The following BCL7A variants were observed in gnomAD, a reference collection of about 807,000 sequenced individuals.
BCL7A encodes the protein BAF chromatin remodeling complex subunit BCL7A.
Under a neutral mutation model 28.4 loss-of-function variants are expected in BCL7A, and 11 were observed. The ratio of observed to expected loss-of-function variants is 0.39; its 90% CI spans 0.24 to 0.64. The LOEUF is 0.64. Ranked by LOEUF, BCL7A falls within the 30% of genes least tolerant of loss-of-function variation. The pLI is 0.50. For synonymous variants in BCL7A, 123 were observed against 103.3 expected (o/e 1.19, Z -1.15); for missense variants, 222 against 274.8 (o/e 0.81, Z 1.36).
rs1217159050 is a variant in BCL7A, at chr12:122,061,025, T to C, written c.*1862T>C. 4.4e-6 allele frequency: 1 copy of C among 227,196 alleles called. No individual in the cohort carries two copies. Among genetic ancestry groups the C allele is most frequent in the Non-Finnish European group, 8.8e-6 (1 of 114,082 alleles). 14.1% of individuals were successfully genotyped at this position (227,196 alleles called of 1,614,324 possible). On this transcript the variant is annotated 3_prime_UTR_variant, in exon 6 of 6. Transcript: ENST00000261822. ...AGGCAGTCAGTTTTGTTGAGAACTG[T>C]GTCCTGCATCCTGGCGCAGAACCTA...
Position 122,058,995 on chromosome 12 carries a change from G to A in BCL7A, c.562-97G>A, listed in dbSNP as rs1047812405. 38 of 1,067,332 alleles carry A rather than the reference G, an allele frequency of 3.6e-5. No homozygotes were observed. The East Asian group carries it at 4.8e-4, about 13-fold the overall frequency. The allele number at this position is 1,067,332 out of a possible 1,614,324, so 66.1% of individuals were successfully genotyped here. ...TGGTCTGAACCACAAAGCCGCCCCC[G>A]CTCGGTTCCTTCCTTGGCTGACCTT... On this transcript the variant is annotated intron_variant, in intron 5 of 5. Coordinates refer to ENST00000261822, the MANE Select transcript of BCL7A (RefSeq NM_001024808.3).
chr12:122,054,705 C>T (rs1884272549), intron 4 of BCL7A, 100 bp from the exon 5 acceptor site: 2 of 1,261,256 alleles, frequency 1.6e-6, no homozygotes, highest in Non-Finnish European at 2.2e-6. Context: ...GACCACTGGC[C>T]CCAAAACTAC....
rs958146571 is a variant in BCL7A at position 122,029,347 on chromosome 12, C to T, written c.93-1353C>T. Among the ~76,000 whole-genome samples, 2 of 152,026 alleles carry T rather than the reference C, an allele frequency of 1.3e-5. No individual in the cohort carries two copies. Among genetic ancestry groups the T allele is most frequent in the Non-Finnish European group, 2.9e-5 (2 of 68,010 alleles). ...CGGCTGGCTGGGTTTGAGTATGCTC[C>T]GTCATCCCGCAACCCCCGTGGTGAC... On this transcript the variant is annotated intron_variant, in intron 1 of 5. Transcript: ENST00000261822. This position sits in a 1 kb window ranked among gnomAD's most constrained non-coding sequence, Gnocchi z 4.3.
At chr12:122,033,768 T>G (rs1024685492) in intron 2 of BCL7A, among the ~76,000 whole-genome samples, 2 of 152,184 alleles carry the variant, frequency 1.3e-5, no homozygotes, top group African/African-American at 4.8e-5. Flanking sequence ...GAAGTCACTG[T>G]TTTATTCAGT....
chr12:122,041,156 G>T (rs915358233), intron 3 of BCL7A, among the ~76,000 whole-genome samples: 5 of 152,188 alleles, frequency 3.3e-5, no homozygotes, highest in African/African-American at 1.2e-4. Flanking sequence ...GGCAGGTTGA[G>T]GTAGAGGAGG....
At position 122,021,934 on chromosome 12, in the gene BCL7A, G is replaced by GTGTA; in HGVS notation, c.-155_-154insATGT. 1.9e-6 allele frequency: 1 copy of GTGTA among 532,454 alleles called. No individual in the cohort carries two copies. Among genetic ancestry groups the GTGTA allele is most frequent in the African/African-American group, 2.0e-5 (1 of 49,588 alleles). 33.0% of individuals were successfully genotyped at this position (532,454 alleles called of 1,614,324 possible). On this transcript the variant is annotated 5_prime_UTR_variant, in exon 1 of 6. In the 5' UTR this introduces an upstream ATG that the reference lacks. Coordinates refer to ENST00000261822, the MANE Select transcript of BCL7A (RefSeq NM_001024808.3). Reference sequence around the variant, plus strand: ...CCGGGCTTTGTGTGTGTGTGTATGTGTGTGTGTGTGTGTGTGTGTGTGTGA... The same window carrying GTGTA: ...CCGGGCTTTGTGTGTGTGTGTATGTGTGTATGTGTGTGTGTGTGTGTGTGTGTGA...
At chr12:122,054,239 C>T (rs1187837283) in intron 4 of BCL7A, among the ~76,000 whole-genome samples, 9 of 152,080 alleles carry the variant, frequency 5.9e-5, no homozygotes, top group Admixed American at 5.2e-4. Context: ...CGCCCGCCGC[C>T]ACCACGCCCG....
At position 122,055,318 on chromosome 12, in the gene BCL7A, G is replaced by A. The variant is rs147502287; in HGVS notation, c.561+392G>A. 1.2e-4 allele frequency among the ~76,000 whole-genome samples: 18 copies of A among 152,316 alleles called. No individual in the cohort carries two copies. The East Asian group carries it at 2.7e-3, about 23-fold the overall frequency. On this transcript the variant is annotated intron_variant, in intron 5 of 5. Transcript: ENST00000261822. ...AAACCTAAGTGGTGGGGCCTCCGAC[G>A]GAGCGGTGCTGCTGGCCCCACTTGC...
rs1351376697 is a variant in BCL7A, at chr12:122,022,082, C to A, written c.-10C>A. 11 of 1,557,106 alleles carry A rather than the reference C, an allele frequency of 7.1e-6. No homozygotes were observed. Among genetic ancestry groups the A allele is most frequent in the Non-Finnish European group, 9.6e-6 (11 of 1,150,082 alleles). On this transcript the variant is annotated 5_prime_UTR_variant, in exon 1 of 6. Coordinates refer to ENST00000261822, the MANE Select transcript of BCL7A (RefSeq NM_001024808.3). ...GCGCGCTCCCCAGCCTCCGTCTCCC[C>A]GCCGGAACCATGTCGGGCAGGTCGG...
chr12:122,034,824 C>A (rs901213167), intron 2 of BCL7A, among the ~76,000 whole-genome samples: 7 of 152,150 alleles, frequency 4.6e-5, no homozygotes, highest in Admixed American at 4.6e-4. Context: ...CCTCCTTTCT[C>A]CCGGGGTCTT....
At chr12:122,027,115 G>T (rs957225783) in intron 1 of BCL7A, among the ~76,000 whole-genome samples, 1 of 152,198 alleles carries the variant, frequency 6.6e-6, no homozygotes, top group Admixed American at 6.5e-5. Flanking sequence ...TGGTTGTGGG[G>T]ATTTCTGCAC....
At chr12:122,033,159 A>G (rs1883778184) in intron 2 of BCL7A, among the ~76,000 whole-genome samples, 1 of 149,338 alleles carries the variant, frequency 6.7e-6, no homozygotes, top group Non-Finnish European at 1.5e-5. Context: ...TTTTTTTAAG[A>G]GACAGGGTCT....
At chr12:122,024,160 C>T (rs780693437) in intron 1 of BCL7A, among the ~76,000 whole-genome samples, 1 of 152,346 alleles carries the variant, frequency 6.6e-6, no homozygotes, top group Middle Eastern at 3.4e-3. Flanking sequence ...AGGGGCTGTA[C>T]CTCTGCGCCT....
At chr12:122,046,112 G>A (rs938416383) in intron 4 of BCL7A, among the ~76,000 whole-genome samples, 6 of 144,554 alleles carry the variant, frequency 4.2e-5, no homozygotes, top group East Asian at 2.1e-4. Flanking sequence ...TACAAATACC[G>A]TTACTGCATC....
chr12:122,056,809 AAAAT>A (rs1346938040), intron 5 of BCL7A, among the ~76,000 whole-genome samples: 3 of 152,066 alleles, frequency 2.0e-5, no homozygotes, highest in African/African-American at 7.3e-5. Flanking sequence ...CTGTCTCAAA[AAAAT>A]AAATACAGAA....
At chr12:122,041,970 G>A (rs1226464277) in intron 3 of BCL7A, among the ~76,000 whole-genome samples, 4 of 152,168 alleles carry the variant, frequency 2.6e-5, no homozygotes, top group Admixed American at 2.6e-4. Flanking sequence ...CCAGCTACCT[G>A]GGAGGCTGAG....
At chr12:122,043,445 G>A (rs1205762517) in intron 3 of BCL7A, among the ~76,000 whole-genome samples, 2 of 151,638 alleles carry the variant, frequency 1.3e-5, no homozygotes, top group African/African-American at 4.8e-5. Context: ...GTGAGCTCAG[G>A]GGTCCCAGGA....
In BCL7A at chr12:122,039,356, G is replaced by A. The variant is rs866175840; in HGVS notation, c.271+3929G>A. On this transcript the variant is annotated intron_variant, in intron 3 of 5. Transcript: ENST00000261822. ...TAATAAATTTAAATTAGCAGGTTGTGGTGATGCGCACCTATAGTCACAGCT... is the reference window on the plus strand; with the variant it reads ...TAATAAATTTAAATTAGCAGGTTGTAGTGATGCGCACCTATAGTCACAGCT... Among the ~76,000 whole-genome samples, 4 of 148,754 alleles carry A rather than the reference G, an allele frequency of 2.7e-5. No individual in the cohort carries two copies. In the South Asian group the frequency reaches 8.5e-4, roughly 32 times the overall value.
chr12:122,053,747 GCAGGAAGA>G (rs1019243340), intron 4 of BCL7A, among the ~76,000 whole-genome samples: 4 of 148,996 alleles, frequency 2.7e-5, no homozygotes, highest in African/African-American at 9.9e-5. Flanking sequence ...GGGTGGAGCA[GCAGGAAGA>G]CAGGCATGAG....
Sources: allele counts gnomAD v4.1 joint callset (sites outside exome capture counted in the v4.1 genomes callset), GRCh38; gene constraint gnomAD v4.1.1; non-coding constraint Gnocchi (gnomAD v3.1); transcripts MANE v1.5; gene names NCBI Gene and HGNC (gene_info 2026-07-23, HGNC 2026-07-21).